The following VDAC1 variants were observed in gnomAD, a reference collection of about 807,000 sequenced individuals.
The protein encoded by VDAC1 is voltage dependent anion channel 1.
In VDAC1, 10 loss-of-function variants were observed where a neutral mutation model predicts 34.7. The observed-to-expected ratio is 0.29, with a 90% CI of 0.18 to 0.49. The LOEUF (loss-of-function observed/expected upper bound fraction) is 0.49, where lower values mean the gene tolerates loss of function less well. Ranked by LOEUF, VDAC1 falls within the 20% of genes least tolerant of loss-of-function variation. The pLI is 0.99. For synonymous variants in VDAC1, 130 were observed against 136.0 expected (o/e 0.96, Z 0.30); for missense variants, 230 against 347.9 (o/e 0.66, Z 2.69).
chr5:133,976,077 A>T, intron 6 of VDAC1, 56 bp from the exon 7 acceptor site: 1 of 1,607,734 alleles, frequency 6.2e-7, no homozygotes, highest in Admixed American at 1.7e-5. Flanking sequence ...GCTGCAGCCC[A>T]GACAGATCCA....
Position 133,991,043 on chromosome 5 carries a change from T to C in VDAC1, c.229A>G (p.Thr77Ala). ...YGLTFTEKWNTDNTLGTEITV... is the reference protein window; with the variant it reads ...YGLTFTEKWNADNTLGTEITV... ...ATCTCGGTGCCTAGTGTATTGTCGG[T>C]ATTCCATTTCTCTGTAAACGTCAGG... The change falls in exon 4 of 9, where the codon ACC becomes GCC. Residue 77 changes from threonine to alanine, a missense_variant. Coordinates refer to ENST00000265333, the MANE Select transcript of VDAC1 (RefSeq NM_003374.3). 3 of 1,614,182 alleles carry C rather than the reference T, an allele frequency of 1.9e-6. No homozygotes were observed. The highest frequency in any genetic ancestry group is 2.5e-6 in the Non-Finnish European group (3 of 1,180,038).
the VDAC1 span, among the ~76,000 whole-genome samples, chr5:134,013,005 T>C: frequency 6.6e-6 from 1 of 152,312 alleles, no homozygotes; most frequent in South Asian, 2.1e-4. Flanking sequence ...GGACTCCCTA[T>C]TTAATAAATG....
chr5:134,087,987 C>T, the VDAC1 span, among the ~76,000 whole-genome samples: 1 of 150,714 alleles, frequency 6.6e-6, no homozygotes, highest in Admixed American at 6.6e-5. Context: ...CCCATCTCTA[C>T]TAAAAATACA....
chr5:134,109,034 C>T, the VDAC1 span, among the ~76,000 whole-genome samples: 2 of 152,188 alleles, frequency 1.3e-5, no homozygotes, highest in Admixed American at 6.5e-5. Context: ...GCCTCTTTAG[C>T]GCCTGATGTC....
chr5:134,070,090 C>T, the VDAC1 span, among the ~76,000 whole-genome samples: 4 of 152,090 alleles, frequency 2.6e-5, no homozygotes, highest in Admixed American at 2.0e-4. Context: ...TACAAATGGG[C>T]AACCAGCAGC....
At chr5:133,982,885 A>G (rs1752754328) in intron 5 of VDAC1, among the ~76,000 whole-genome samples, 1 of 149,296 alleles carries the variant, frequency 6.7e-6, no homozygotes, top group African/African-American at 2.5e-5. Flanking sequence ...AATAAAACTC[A>G]GTCTCAAAAA....
At chr5:134,014,430 T>C in the VDAC1 span, among the ~76,000 whole-genome samples, 1 of 152,134 alleles carries the variant, frequency 6.6e-6, no homozygotes, top group Non-Finnish European at 1.5e-5. Flanking sequence ...ATTAAAAAGT[T>C]AAAAAATAGT....
chr5:134,101,883 G>C, the VDAC1 span, among the ~76,000 whole-genome samples: 1 of 152,170 alleles, frequency 6.6e-6, no homozygotes, highest in Admixed American at 6.5e-5. Flanking sequence ...CCTCCCATTA[G>C]GCCCCGTGTT....
chr5:134,011,610 A>G, the VDAC1 span, among the ~76,000 whole-genome samples: 242 of 150,934 alleles, frequency 1.6e-3, no homozygotes, highest in Non-Finnish European at 2.0e-3. Flanking sequence ...AGTGTGCCCA[A>G]TGTAATCCCA....
chr5:134,004,727 G>C (rs1245873796), intron 1 of VDAC1, 168 bp downstream of exon 1: 2 of 150,866 alleles, frequency 1.3e-5, no homozygotes, highest in South Asian at 4.0e-4. Context: ...CCAGGGAGCG[G>C]AGCCGAGCGA....
intron 1 of VDAC1, among the ~76,000 whole-genome samples, chr5:133,993,240 T>C (rs1753171205): frequency 6.6e-6 from 1 of 152,136 alleles, no homozygotes; most frequent in Non-Finnish European, 1.5e-5. Context: ...TGACAGATGA[T>C]CAACAATTTA....
the VDAC1 span, among the ~76,000 whole-genome samples, chr5:134,060,968 G>T: frequency 4.3e-5 from 6 of 138,490 alleles, no homozygotes; most frequent in South Asian, 6.9e-4. Flanking sequence ...CTCCAGCCAG[G>T]TTCCAGCAAT....
chr5:133,979,245 A>C (rs1752594537), intron 6 of VDAC1, among the ~76,000 whole-genome samples: 2 of 152,140 alleles, frequency 1.3e-5, no homozygotes, highest in South Asian at 4.1e-4. Flanking sequence ...TGTTCCTCCT[A>C]GAATTGGTAC....
the VDAC1 span, among the ~76,000 whole-genome samples, chr5:134,016,826 G>A: frequency 6.6e-6 from 1 of 152,232 alleles, no homozygotes; most frequent in South Asian, 2.1e-4. Context: ...TGCTGTGTAG[G>A]GTTGTGTGGC....
intron 6 of VDAC1, 40 bp downstream of exon 6, chr5:133,980,689 A>ACGCCC: frequency 7.1e-6 from 4 of 564,054 alleles, no homozygotes; most frequent in East Asian, 3.4e-5. Flanking sequence ...ACATGCTCCA[A>ACGCCC]CCCCACCCCT....
chr5:133,997,421 A>C (rs891551546), intron 1 of VDAC1, among the ~76,000 whole-genome samples: 9 of 152,076 alleles, frequency 5.9e-5, no homozygotes, highest in African/African-American at 1.7e-4. Context: ...AAAAAGAATA[A>C]GGTGGGTGGC....
chr5:134,111,510 G>A, the VDAC1 span, among the ~76,000 whole-genome samples: 5 of 152,106 alleles, frequency 3.3e-5, no homozygotes, highest in African/African-American at 1.2e-4. Context: ...CCAATTCCCA[G>A]AACAGGTGGC....
chr5:134,111,740 G>T, the VDAC1 span, among the ~76,000 whole-genome samples: 1 of 152,132 alleles, frequency 6.6e-6, no homozygotes, highest in Non-Finnish European at 1.5e-5. Context: ...TGTCTGCCAA[G>T]ACCACAAGGC....
the VDAC1 span, among the ~76,000 whole-genome samples, chr5:134,071,167 C>A: frequency 1.3e-5 from 2 of 152,250 alleles, no homozygotes; most frequent in Admixed American, 1.3e-4. The surrounding 1 kb of genome is among the most constrained non-coding windows in gnomAD (Gnocchi z 4.1). Context: ...CTCGGCCCAG[C>A]CTTCCTGGGG....
Sources: allele counts gnomAD v4.1 joint callset (sites outside exome capture counted in the v4.1 genomes callset), GRCh38; gene constraint gnomAD v4.1.1; non-coding constraint Gnocchi (gnomAD v3.1); transcripts MANE v1.5; gene names NCBI Gene and HGNC (gene_info 2026-07-23, HGNC 2026-07-21).